The following CFAP54 variants were observed in gnomAD, a reference collection of about 807,000 sequenced individuals.
CFAP54 encodes the protein cilia and flagella associated protein 54, also known as cilia- and flagella-associated protein 54.
Under a neutral mutation model 370.4 loss-of-function variants are expected in CFAP54, and 290 were observed. The observed-to-expected ratio is 0.78, with a 90% CI of 0.71 to 0.86. CFAP54 has a LOEUF of 0.86. Among genes scored for constraint, CFAP54 ranks in the 40% least tolerant of loss-of-function variants. The pLI is 0.00. For synonymous variants in CFAP54, 1,206 were observed against 1,236.5 expected (o/e 0.98, Z 0.52); for missense variants, 3,399 against 3,528.7 (o/e 0.96, Z 0.93).
At chr12:96,584,276 C>A (rs1956056195) in intron 22 of CFAP54, among the ~76,000 whole-genome samples, 1 of 152,028 alleles carries the variant, frequency 6.6e-6, no homozygotes, top group Non-Finnish European at 1.5e-5. Context: ...CCAGCCTGGG[C>A]AACATGGCGA....
rs566260260 is a variant in CFAP54, at chr12:96,812,235, C to T, written c.8957+393C>T. 2.0e-5 allele frequency among the ~76,000 whole-genome samples: 3 copies of T among 152,232 alleles called. No individual in the cohort carries two copies. The South Asian group carries it at 6.2e-4, about 32-fold the overall frequency. On this transcript the variant is annotated intron_variant, in intron 64 of 67. Transcript: ENST00000524981. ...TACTATATTTTGCCTGTAGTTTCAG[C>T]GTGGTTAAAAAATAATTTAATGTGG...
chr12:96,577,974 A>C (rs566620869), intron 20 of CFAP54, among the ~76,000 whole-genome samples: 118 of 152,220 alleles, frequency 7.8e-4, no homozygotes, highest in African/African-American at 2.8e-3. Flanking sequence ...AGGCAGGAGA[A>C]TCGCTTGAAC....
intron 60 of CFAP54, among the ~76,000 whole-genome samples, chr12:96,775,711 A>G (rs930784713): frequency 7.9e-5 from 12 of 152,150 alleles, no homozygotes; most frequent in Non-Finnish European, 1.2e-4. Flanking sequence ...TACTTGGACT[A>G]TGAATATTCT....
intron 66 of CFAP54, among the ~76,000 whole-genome samples, chr12:96,855,172 GC>G (rs1302012451): frequency 6.6e-6 from 1 of 152,084 alleles, no homozygotes; most frequent in Non-Finnish European, 1.5e-5. Flanking sequence ...GATGGTAACT[GC>G]CCCCATGATT....
chr12:96,528,318 A>G (rs1260102691), intron 9 of CFAP54, among the ~76,000 whole-genome samples: 1 of 152,098 alleles, frequency 6.6e-6, no homozygotes, highest in Non-Finnish European at 1.5e-5. Flanking sequence ...GAGTCGATCA[A>G]ATGGCTTTCT....
At chr12:96,682,662 T>C (rs1313532824) in intron 40 of CFAP54, among the ~76,000 whole-genome samples, 1 of 152,196 alleles carries the variant, frequency 6.6e-6, no homozygotes, top group Non-Finnish European at 1.5e-5. Flanking sequence ...AGTGAGCCAC[T>C]GTACCCGGCT....
At chr12:96,733,559 T>TA (rs1555311108) in intron 50 of CFAP54, among the ~76,000 whole-genome samples, 2 of 141,700 alleles carry the variant, frequency 1.4e-5, no homozygotes, top group African/African-American at 5.4e-5. Flanking sequence ...TTTTTTTTTT[T>TA]AATAAGTGTT....
At chr12:96,841,170 T>C (rs895704421) in intron 66 of CFAP54, among the ~76,000 whole-genome samples, 1 of 152,190 alleles carries the variant, frequency 6.6e-6, no homozygotes, top group Non-Finnish European at 1.5e-5. Context: ...CCTGATACTG[T>C]GTATTTACTG....
At chr12:96,743,375 T>G in intron 52 of CFAP54, 27 bp from the exon 53 acceptor site, 1 of 1,608,160 alleles carries the variant, frequency 6.2e-7, no homozygotes, top group Non-Finnish European at 8.5e-7. Flanking sequence ...TCAATGCATT[T>G]TAAATAACCG....
intron 43 of CFAP54, 117 bp from the exon 44 acceptor site, chr12:96,691,009 TAC>T (rs1592710539): frequency 7.7e-6 from 6 of 779,100 alleles, no homozygotes; most frequent in Non-Finnish European, 1.2e-5. Context: ...TATTACAAAG[TAC>T]AGTGTGCTAG....
chr12:96,651,851 A>T, intron 36 of CFAP54, 36 bp downstream of exon 36: 1 of 1,317,780 alleles, frequency 7.6e-7, no homozygotes, highest in Non-Finnish European at 1.1e-6. Context: ...TATTATATTC[A>T]GTTAAAAATA....
At chr12:96,754,289 G>C (rs1022928760) in intron 56 of CFAP54, among the ~76,000 whole-genome samples, 1 of 152,072 alleles carries the variant, frequency 6.6e-6, no homozygotes, top group African/African-American at 2.4e-5. Context: ...ATAAGTAAGA[G>C]ATACATACTC....
At position 96,785,113 on chromosome 12, in the gene CFAP54, A is replaced by G. The variant is rs1289778042; in HGVS notation, c.8455+223A>G. Among the ~76,000 whole-genome samples the G allele has an allele frequency of 3.9e-5, 6 of 152,208 alleles. No homozygotes were observed. In the East Asian group the frequency reaches 1.2e-3, roughly 29 times the overall value. ...AGAAATTCTATATATATTATTTCATATGTTTAAAAACATCATGATAAGGAG... is the reference window on the plus strand; with the variant it reads ...AGAAATTCTATATATATTATTTCATGTGTTTAAAAACATCATGATAAGGAG... On this transcript the variant is annotated intron_variant, in intron 61 of 67. Coordinates refer to ENST00000524981, the MANE Select transcript of CFAP54 (RefSeq NM_001306084.2).
chr12:96,842,670 C>T (rs1373198648), intron 66 of CFAP54, among the ~76,000 whole-genome samples: 3 of 152,108 alleles, frequency 2.0e-5, no homozygotes, highest in South Asian at 4.2e-4. Context: ...GTGCTTTGTG[C>T]GGTATCTAGC....
intron 33 of CFAP54, chr12:96,647,093 A>G (rs1311930163): frequency 1.3e-5 from 2 of 152,140 alleles, no homozygotes; most frequent in Non-Finnish European, 2.9e-5. Context: ...CCTAAAACTT[A>G]AAGTATAATA....
chr12:96,545,449 A>G (rs1955628848), intron 14 of CFAP54, among the ~76,000 whole-genome samples: 1 of 152,220 alleles, frequency 6.6e-6, no homozygotes, highest in Admixed American at 6.5e-5. Context: ...CCAGTAAGTA[A>G]AATATGAGTG....
intron 32 of CFAP54, among the ~76,000 whole-genome samples, chr12:96,639,251 C>T (rs1956697465): frequency 6.6e-6 from 1 of 152,148 alleles, no homozygotes; most frequent in Non-Finnish European, 1.5e-5. Context: ...GGGGATATCA[C>T]CACCGATCCC....
intron 2 of CFAP54, among the ~76,000 whole-genome samples, chr12:96,503,195 CTT>C (rs1363302310): frequency 1.3e-5 from 2 of 148,666 alleles, no homozygotes; most frequent in East Asian, 2.0e-4. Flanking sequence ...CCCTCCCTTT[CTT>C]TCTCTTTCTT....
intron 51 of CFAP54, among the ~76,000 whole-genome samples, chr12:96,741,216 G>T (rs988446765): frequency 3.3e-5 from 5 of 152,168 alleles, no homozygotes; most frequent in Non-Finnish European, 7.3e-5. Context: ...GCCCAACCTG[G>T]AATGCAGTGG....
Sources: allele counts gnomAD v4.1 joint callset (sites outside exome capture counted in the v4.1 genomes callset), GRCh38; gene constraint gnomAD v4.1.1; transcripts MANE v1.5; gene names NCBI Gene and HGNC (gene_info 2026-07-23, HGNC 2026-07-21).